Variants in ANKRD28 observed in about 807,000 individuals in gnomAD.
ANKRD28 encodes serine/threonine-protein phosphatase 6 regulatory ankyrin repeat subunit A.
In ANKRD28, 44 loss-of-function variants were observed where a neutral mutation model predicts 126.5. The observed-to-expected ratio is 0.35, with a 90% CI of 0.27 to 0.45. The LOEUF (loss-of-function observed/expected upper bound fraction) is 0.45, where lower values mean the gene tolerates loss of function less well. Among genes scored for constraint, ANKRD28 ranks in the 20% least tolerant of loss-of-function variants. The pLI, the probability that ANKRD28 is intolerant of heterozygous loss-of-function variation, is 1.00. For missense variants in ANKRD28, 1,110 were observed against 1,316.6 expected (o/e 0.84, Z 2.43); for synonymous variants, 442 against 468.5 (o/e 0.94, Z 0.73).
chr3:15,757,463 T>C (rs1487099717), intron 3 of ANKRD28, among the ~76,000 whole-genome samples: 1 of 152,240 alleles, frequency 6.6e-6, no homozygotes, highest in Non-Finnish European at 1.5e-5. Flanking sequence ...TATTAAACCT[T>C]GTCAAATGGT....
chr3:15,740,263 G>A (rs1406838891), intron 4 of ANKRD28, among the ~76,000 whole-genome samples: 1 of 152,072 alleles, frequency 6.6e-6, no homozygotes, highest in African/African-American at 2.4e-5. Flanking sequence ...AACTTGCTGG[G>A]GTAACAGAAA....
At chr3:15,721,959 G>T (rs1327661778) in intron 7 of ANKRD28, among the ~76,000 whole-genome samples, 1 of 152,136 alleles carries the variant, frequency 6.6e-6, no homozygotes, top group African/African-American at 2.4e-5. Flanking sequence ...TGGCCAGGCT[G>T]GTCCTGAACT....
chr3:15,858,432 T>C (rs932800342), intron 1 of ANKRD28, among the ~76,000 whole-genome samples: 3 of 152,246 alleles, frequency 2.0e-5, no homozygotes, highest in Non-Finnish European at 2.9e-5. Context: ...GCAATCTTTA[T>C]TAAGTAATAT....
intron 2 of ANKRD28, among the ~76,000 whole-genome samples, chr3:15,787,702 C>A (rs1393127418): frequency 6.6e-6 from 1 of 152,148 alleles, no homozygotes; most frequent in Non-Finnish European, 1.5e-5. Flanking sequence ...ACATCAACAG[C>A]TTGGTGTACT....
rs1008160412 is a variant in ANKRD28 at position 15,854,911 on chromosome 3, T to C, written c.27+4466A>G. On this transcript the variant is annotated intron_variant, in intron 1 of 27. Transcript: ENST00000399451. This position sits in a 1 kb window ranked among gnomAD's most constrained non-coding sequence, Gnocchi z 4.1. The stretch of plus-strand genomic sequence containing the variant: ...TAAAATTACAAAAATTAGCTGGGTG[T>C]GGTGGTGGGCGCCTGTAGTCCCAGC... Among the ~76,000 whole-genome samples the C allele has an allele frequency of 3.7e-4, 56 of 152,168 alleles. No homozygotes were observed. Among genetic ancestry groups the C allele is most frequent in the Non-Finnish European group, 4.0e-4 (27 of 68,000 alleles).
chr3:15,795,163 C>A (rs1210965918), intron 2 of ANKRD28, 60 bp downstream of exon 2: 1 of 1,184,426 alleles, frequency 8.4e-7, no homozygotes, highest in Admixed American at 1.8e-5. Flanking sequence ...AATCACAATT[C>A]TAGGAAAGAA....
intron 6 of ANKRD28, among the ~76,000 whole-genome samples, chr3:15,728,774 G>C (rs556252181): frequency 2.3e-4 from 35 of 152,242 alleles, no homozygotes; most frequent in Admixed American, 1.0e-3. Flanking sequence ...TAGCTCTTTA[G>C]AACATGCAGC....
At chr3:15,692,659 C>T (rs1018027414) in intron 17 of ANKRD28, among the ~76,000 whole-genome samples, 3 of 152,058 alleles carry the variant, frequency 2.0e-5, no homozygotes, top group East Asian at 1.9e-4. Flanking sequence ...CAAGTTGTCC[C>T]GAATGGGAGA....
At chr3:15,694,857 A>C (rs770255871) in intron 16 of ANKRD28, 44 bp from the exon 17 acceptor site, 15 of 1,567,130 alleles carry the variant, frequency 9.6e-6, no homozygotes, top group Non-Finnish European at 1.1e-5. Context: ...GACATACTAC[A>C]GCAATTATTC....
chr3:15,751,455 T>C (rs1400648678), intron 4 of ANKRD28, among the ~76,000 whole-genome samples: 2 of 152,228 alleles, frequency 1.3e-5, no homozygotes, highest in African/African-American at 4.8e-5. Context: ...CTATTGTAAA[T>C]AGGTAGAGAA....
At chr3:15,731,250 T>C (rs2074572851) in intron 6 of ANKRD28, among the ~76,000 whole-genome samples, 3 of 152,166 alleles carry the variant, frequency 2.0e-5, no homozygotes, top group Non-Finnish European at 4.4e-5. Context: ...ATTCAACTAT[T>C]CTGGGAGCTC....
chr3:15,700,705 C>T (rs973860911), intron 14 of ANKRD28, among the ~76,000 whole-genome samples: 3 of 152,114 alleles, frequency 2.0e-5, no homozygotes, highest in East Asian at 1.9e-4. Flanking sequence ...ACTCAGGAGG[C>T]GGAGGTTGCA....
intron 17 of ANKRD28, 27 bp downstream of exon 17, chr3:15,694,712 C>T (rs1380886905): frequency 1.3e-6 from 2 of 1,598,658 alleles, no homozygotes; most frequent in African/African-American, 2.7e-5. Flanking sequence ...CAGCAGCCAT[C>T]AAGTCGGCTA....
intron 1 of ANKRD28, among the ~76,000 whole-genome samples, chr3:15,842,549 T>A (rs903648854): frequency 3.3e-5 from 5 of 152,158 alleles, no homozygotes; most frequent in African/African-American, 7.2e-5. Context: ...TCAAAAATAA[T>A]TTAAATGAAC....
chr3:15,722,025 G>GT (rs749502186), intron 7 of ANKRD28, among the ~76,000 whole-genome samples: 2 of 152,264 alleles, frequency 1.3e-5, no homozygotes, highest in African/African-American at 4.8e-5. Flanking sequence ...GATTACAGGC[G>GT]TGAGACCCTG....
intron 2 of ANKRD28, among the ~76,000 whole-genome samples, chr3:15,789,782 AAT>A (rs1320446538): frequency 1.3e-5 from 2 of 152,186 alleles, no homozygotes; most frequent in African/African-American, 4.8e-5. Context: ...AAATAATATG[AAT>A]ATATAATTTT....
intron 2 of ANKRD28, among the ~76,000 whole-genome samples, chr3:15,778,763 C>T (rs998316966): frequency 1.1e-4 from 16 of 152,138 alleles, no homozygotes; most frequent in African/African-American, 3.9e-4. Context: ...AGGAATGAGA[C>T]CTGATATGGT....
chr3:15,800,481 C>T (rs1027059070), upstream of ANKRD28, among the ~76,000 whole-genome samples: 6 of 151,972 alleles, frequency 3.9e-5, no homozygotes, highest in Non-Finnish European at 8.8e-5. Context: ...GAATGATATC[C>T]CTTGTGAAGC....
In ANKRD28 at chr3:15,814,239, C is replaced by T. The variant is rs969438702; in HGVS notation, c.28-18933G>A. 3 of 1,238,044 alleles carry T rather than the reference C, an allele frequency of 2.4e-6. No individual in the cohort carries two copies. The highest frequency in any genetic ancestry group is 3.1e-6 in the Non-Finnish European group (3 of 969,454). 76.7% of individuals were successfully genotyped at this position (1,238,044 alleles called of 1,614,324 possible). The stretch of plus-strand genomic sequence containing the variant: ...CAAGAGACTACTAGAAAATAACCTA[C>T]CATAATAGGAATTCCCATACTATTT... On this transcript the variant is annotated intron_variant, in intron 1 of 27. Coordinates refer to the ANKRD28 transcript ENST00000399451. This position sits in a 1 kb window ranked among gnomAD's most constrained non-coding sequence, Gnocchi z 4.7.
Sources: gnomAD v4.1 joint callset for allele counts (sites outside exome capture counted in the v4.1 genomes callset) on GRCh38, gnomAD v4.1.1 for gene constraint, Gnocchi (gnomAD v3.1) non-coding constraint, MANE v1.5 for transcripts, NCBI Gene and HGNC (gene_info 2026-07-23, HGNC 2026-07-21) for gene names.